Variants in NRG3 observed in about 807,000 individuals in gnomAD.
NRG3 encodes the protein pro-neuregulin-3, membrane-bound isoform.
NRG3 carries 31 observed loss-of-function variants against 66.9 expected under a neutral mutation model. That is an observed-to-expected ratio of 0.46 (90% CI 0.35 to 0.63). The LOEUF (loss-of-function observed/expected upper bound fraction) is 0.63, where lower values mean the gene tolerates loss of function less well. Ranked by LOEUF, NRG3 falls within the 20% of genes least tolerant of loss-of-function variation. The pLI is 0.00. For missense variants in NRG3, 910 were observed against 878.9 expected (o/e 1.04, Z -0.45); for synonymous variants, 393 against 359.4 (o/e 1.09, Z -1.06).
At chr10:82,586,690 C>T (rs1235890344) in intron 2 of NRG3, among the ~76,000 whole-genome samples, 1 of 151,778 alleles carries the variant, frequency 6.6e-6, no homozygotes, top group Non-Finnish European at 1.5e-5. Flanking sequence ...TTCTATTCAC[C>T]ATCTTTATTT....
At chr10:82,080,861 C>A (rs971590826) in intron 1 of NRG3, among the ~76,000 whole-genome samples, 3 of 152,160 alleles carry the variant, frequency 2.0e-5, no homozygotes, top group Non-Finnish European at 2.9e-5. Context: ...TCATCATCAA[C>A]AAAATCTCTA....
chr10:82,872,745 A>C (rs1591793224), intron 4 of NRG3, among the ~76,000 whole-genome samples: 1 of 151,160 alleles, frequency 6.6e-6, no homozygotes, highest in South Asian at 2.1e-4. Flanking sequence ...AAAAAAAAAG[A>C]AAGCAATTGA....
At chr10:82,257,283 T>C (rs1308933122) in intron 1 of NRG3, among the ~76,000 whole-genome samples, 1 of 152,010 alleles carries the variant, frequency 6.6e-6, no homozygotes, top group Non-Finnish European at 1.5e-5. Flanking sequence ...GAAAAAAAAC[T>C]TTTCTTCCTT....
Position 82,740,585 on chromosome 10 carries a change from C to A in NRG3, c.1027+1935C>A, listed in dbSNP as rs141634517. On this transcript the variant is annotated intron_variant, in intron 3 of 8. Coordinates refer to ENST00000372141, the MANE Select transcript of NRG3 (RefSeq NM_001010848.4). ...CGGTGGTTCATGCCTATAAACCCAGCACTTTGGGAGGCAGAGATGCTTGAG... is the reference window on the plus strand; with the variant it reads ...CGGTGGTTCATGCCTATAAACCCAGAACTTTGGGAGGCAGAGATGCTTGAG... Among the ~76,000 whole-genome samples the A allele has an allele frequency of 5.7e-3, 867 of 152,114 alleles. 9 individuals are homozygous for A. Among genetic ancestry groups the A allele is most frequent in the African/African-American group, 0.019 (794 of 41,504 alleles).
chr10:82,400,911 T>TA (rs1202948361), intron 2 of NRG3, among the ~76,000 whole-genome samples: 4 of 152,096 alleles, frequency 2.6e-5, no homozygotes, highest in Admixed American at 2.6e-4. Context: ...ATCAAACTGT[T>TA]ATTTGTTTAG....
intron 4 of NRG3, among the ~76,000 whole-genome samples, chr10:82,880,006 G>A (rs1291593353): frequency 8.9e-6 from 1 of 112,470 alleles, no homozygotes; most frequent in Non-Finnish European, 1.7e-5. Context: ...GCAGAAGCTT[G>A]TGCTGTATTG....
At chr10:82,166,179 C>T (rs547838775) in intron 1 of NRG3, among the ~76,000 whole-genome samples, 5 of 152,018 alleles carry the variant, frequency 3.3e-5, no homozygotes, top group East Asian at 1.9e-4. Flanking sequence ...TGCACCACCA[C>T]GCCCGGCTAA....
intron 2 of NRG3, among the ~76,000 whole-genome samples, chr10:82,402,810 A>G (rs1468742112): frequency 6.6e-6 from 1 of 152,178 alleles, no homozygotes; most frequent in African/African-American, 2.4e-5. Flanking sequence ...TGAAGACATC[A>G]TTCCAGCAAA....
chr10:82,224,351 G>C (rs887626902), intron 1 of NRG3: 2 of 152,068 alleles, frequency 1.3e-5, no homozygotes, highest in Non-Finnish European at 2.9e-5. Context: ...TCTGCTTCAG[G>C]TACAGCATCT....
chr10:82,292,309 G>GA (rs2079794539), intron 1 of NRG3, among the ~76,000 whole-genome samples: 1 of 151,558 alleles, frequency 6.6e-6, no homozygotes, highest in African/African-American at 2.4e-5. Context: ...TAAAAAAAAA[G>GA]AAAAAAGGAA....
chr10:82,785,697 G>T (rs964306692), intron 3 of NRG3, among the ~76,000 whole-genome samples: 1 of 152,150 alleles, frequency 6.6e-6, no homozygotes, highest in African/African-American at 2.4e-5. Flanking sequence ...ACAGAGCTAC[G>T]TGACTTCTTT....
chr10:82,290,803 T>A (rs2134592935), intron 1 of NRG3, among the ~76,000 whole-genome samples: 1 of 150,870 alleles, frequency 6.6e-6, no homozygotes, highest in South Asian at 2.1e-4. Context: ...CTGGCTAATT[T>A]TTTTTTTTTT....
chr10:82,783,498 C>G (rs996759412), intron 3 of NRG3, among the ~76,000 whole-genome samples: 5 of 151,850 alleles, frequency 3.3e-5, no homozygotes, highest in Non-Finnish European at 5.9e-5. Flanking sequence ...TGATAAGCAA[C>G]TTCAGCAAAG....
intron 1 of NRG3, among the ~76,000 whole-genome samples, chr10:82,325,581 G>A (rs2081829064): frequency 6.6e-6 from 1 of 151,750 alleles, no homozygotes; most frequent in South Asian, 2.1e-4. Flanking sequence ...GCATATAATT[G>A]GGTCTTGCTT....
rs550906711 is a variant in NRG3, at chr10:82,362,076, A to C, written c.953+3208A>C. Among the ~76,000 whole-genome samples the C allele has an allele frequency of 2.6e-4, 33 of 128,938 alleles. 1 individual carries two copies. Among genetic ancestry groups the C allele is most frequent in the African/African-American group, 9.9e-4 (33 of 33,490 alleles). The allele number at this position is 128,938 out of a possible 152,430, so 84.6% of individuals were successfully genotyped here. A position where few individuals can be genotyped will look rare whatever the true frequency, so the allele number is the denominator to read the frequency against. On this transcript the variant is annotated intron_variant, in intron 2 of 8. Transcript: ENST00000372141. ...TTCGTGATAGAAATCCTGAAAGTAC[A>C]TGCAAAAAAAAAAAAAAAAAAAAAA...
intron 1 of NRG3, among the ~76,000 whole-genome samples, chr10:82,316,944 C>T (rs1197237772): frequency 1.3e-5 from 2 of 152,152 alleles, no homozygotes; most frequent in Admixed American, 6.5e-5. Flanking sequence ...CCTTGAGACC[C>T]TCTCCTCTTC....
chr10:81,997,890 T>C (rs963273345), intron 1 of NRG3, among the ~76,000 whole-genome samples: 1 of 147,154 alleles, frequency 6.8e-6, no homozygotes, highest in Non-Finnish European at 1.5e-5. Context: ...TTACCTCAAA[T>C]ATGCACAAAA....
At chr10:82,744,262 G>T (rs1407573035) in intron 3 of NRG3, among the ~76,000 whole-genome samples, 3 of 152,084 alleles carry the variant, frequency 2.0e-5, no homozygotes, top group Non-Finnish European at 4.4e-5. Context: ...TAATCCATTT[G>T]GGATGCTATG....
intron 2 of NRG3, among the ~76,000 whole-genome samples, chr10:82,561,288 G>A (rs2045026056): frequency 6.6e-6 from 1 of 152,048 alleles, no homozygotes; most frequent in Admixed American, 6.6e-5. Flanking sequence ...GCTTTTTGTT[G>A]TTGTTGTTGT....
Sources: allele counts gnomAD v4.1 joint callset (sites outside exome capture counted in the v4.1 genomes callset), GRCh38; gene constraint gnomAD v4.1.1; transcripts MANE v1.5; gene names NCBI Gene and HGNC (gene_info 2026-07-23, HGNC 2026-07-21).